Variants in BPIFB4 observed in about 807,000 individuals in gnomAD.
BPIFB4 encodes the protein BPI fold-containing family B member 4.
Under a neutral mutation model 69.2 loss-of-function variants are expected in BPIFB4, and 62 were observed. The ratio of observed to expected loss-of-function variants is 0.90; its 90% CI spans 0.73 to 1.11. The LOEUF is 1.11. Among genes scored for constraint, BPIFB4 ranks in the 50% least tolerant of loss-of-function variants. The pLI, the probability that BPIFB4 is intolerant of heterozygous loss-of-function variation, is 0.00. For synonymous variants in BPIFB4, 330 were observed against 332.7 expected, an observed-to-expected ratio of 0.99 and a Z score of 0.09; for missense variants, 789 against 792.0, an observed-to-expected ratio of 1.00 and a Z score of 0.04.
At chr20:33,087,604 CT>C (rs1449041606) in intron 7 of BPIFB4, among the ~76,000 whole-genome samples, 2 of 152,030 alleles carry the variant, frequency 1.3e-5, no homozygotes, top group Non-Finnish European at 2.9e-5. Context: ...AATGAATAAC[CT>C]TTTACATATG....
At chr20:33,085,924 G>A in intron 6 of BPIFB4, 97 bp from the exon 7 acceptor site, 1 of 1,425,848 alleles carries the variant, frequency 7.0e-7, no homozygotes, top group Non-Finnish European at 9.8e-7. Context: ...AAGGAGCGTA[G>A]CAGATGGCAG....
In BPIFB4 at chr20:33,083,547, A is replaced by G; in HGVS notation, c.350A>G (p.Asp117Gly). The change falls in exon 5 of 18, where the codon GAC becomes GGC. Residue 117 changes from aspartate to glycine, a missense_variant. By Grantham distance (94) the Asp-to-Gly change is moderately conservative. Coordinates refer to ENST00000375483, the MANE Select transcript of BPIFB4 (RefSeq NM_182519.3). ...CTTGAGTCCGAGGGAAGCATCAGGG[A>G]CCTCCGAAACAGTGGCTATCGCAGT... ...EILESEGSIR[D>G]LRNSGYRSAE... 3.1e-6 allele frequency: 5 copies of G among 1,613,808 alleles called. No homozygotes were observed. Among genetic ancestry groups the G allele is most frequent in the East Asian group, 2.2e-5 (1 of 44,858 alleles).
At chr20:33,094,967 T>G in intron 11 of BPIFB4, 133 bp from the exon 12 acceptor site, 5 of 836,610 alleles carry the variant, frequency 6.0e-6, no homozygotes, top group Admixed American at 1.9e-5. Flanking sequence ...TCCCCAGGGG[T>G]CTTTCAGGGA....
chr20:33,104,732 C>T, intron 15 of BPIFB4, 78 bp from the exon 16 acceptor site: 1 of 1,396,264 alleles, frequency 7.2e-7, no homozygotes, highest in African/African-American at 1.4e-5. Flanking sequence ...CACCTTGAGC[C>T]AGGGGAGCAG....
In BPIFB4 at chr20:33,092,623, C is replaced by T. The variant is rs770283793; in HGVS notation, c.1309C>T (p.Gln437Ter). The change falls in exon 11 of 18, where the codon CAG (glutamine) becomes TAG (stop). Residue 437 changes from glutamine (Q) to a stop codon, truncating the protein, a stop_gained. Coordinates refer to ENST00000375483, the MANE Select transcript of BPIFB4 (RefSeq NM_182519.3). LOFTEE classifies it high-confidence loss of function. ...CTCAGTGCTGACTCTACTGCAGAAG[C>T]AGCATGCTCTAGACCTGGATATCAC... ...LGSVLTLLQK[Q>*]HALDLDITNG... 5 of 1,612,912 alleles carry T rather than the reference C, an allele frequency of 3.1e-6. No individual in the cohort carries two copies. The Admixed American group carries it at 6.7e-5, about 21-fold the overall frequency.
At chr20:33,104,947 C>T in intron 16 of BPIFB4, 74 bp downstream of exon 16, 1 of 1,444,528 alleles carries the variant, frequency 6.9e-7, no homozygotes, top group Non-Finnish European at 9.7e-7. Flanking sequence ...GTTGGGCATG[C>T]TGGATGTGCA....
In BPIFB4 at chr20:33,096,139, G is replaced by A. The variant is rs944174069; in HGVS notation, c.1398+986G>A. On this transcript the variant is annotated intron_variant, in intron 12 of 17. Coordinates refer to ENST00000375483, the MANE Select transcript of BPIFB4 (RefSeq NM_182519.3). ...TGTGGCTGCAAATTGAACATCGGAA[G>A]GATCATTCTCTAGGGTGGTAACAGT... Among the ~76,000 whole-genome samples the A allele has an allele frequency of 2.6e-5, 4 of 152,188 alleles. 1 individual carries two copies. The highest frequency in any genetic ancestry group is 4.4e-5 in the Non-Finnish European group (3 of 68,030).
intron 14 of BPIFB4, among the ~76,000 whole-genome samples, chr20:33,100,738 G>A (rs944371070): frequency 2.6e-5 from 4 of 152,234 alleles, no homozygotes; most frequent in Non-Finnish European, 5.9e-5. Flanking sequence ...GCTGGGGTGT[G>A]GGCACAGTAG....
Position 33,110,570 on chromosome 20 carries a change from C to G in BPIFB4, c.1822-844C>G, listed in dbSNP as rs563394172. Among the ~76,000 whole-genome samples the G allele has an allele frequency of 4.3e-4, 66 of 152,286 alleles. No individual in the cohort carries two copies. The South Asian group carries it at 0.011, about 26-fold the overall frequency. On this transcript the variant is annotated intron_variant, in intron 17 of 17. Transcript: ENST00000375483. ...CTTTCTCCCACTAATTTTTGCCATT[C>G]AGTGTTCACGGTTTTGTCTGCAACT... is the stretch of plus-strand genomic sequence containing the variant.
intron 17 of BPIFB4, among the ~76,000 whole-genome samples, chr20:33,110,184 T>C (rs763506568): frequency 2.6e-5 from 4 of 152,262 alleles, no homozygotes; most frequent in Admixed American, 1.3e-4. Flanking sequence ...TCAGTTGTCA[T>C]GTCTCTTTAG....
chr20:33,111,526 T>C lies in BPIFB4; in HGVS notation c.*89T>C. 3.3e-6 allele frequency: 5 copies of C among 1,529,756 alleles called. No individual in the cohort carries two copies. Among genetic ancestry groups the C allele is most frequent in the Non-Finnish European group, 3.6e-6 (4 of 1,112,542 alleles). The allele number at this position is 1,529,756 out of a possible 1,614,324, so 94.8% of individuals were successfully genotyped here. A position where few individuals can be genotyped will look rare whatever the true frequency, so the allele number is the denominator to read the frequency against. The stretch of plus-strand genomic sequence containing the variant: ...CCTGGAAACAGTCCCCTGCCCAGAG[T>C]CCCCTCAGCCTCCATGACAGGTCCC... On this transcript the variant is annotated 3_prime_UTR_variant, in exon 18 of 18. Coordinates refer to ENST00000375483, the MANE Select transcript of BPIFB4 (RefSeq NM_182519.3).
chr20:33,090,883 C>A, intron 10 of BPIFB4, 84 bp downstream of exon 10: 1 of 1,522,176 alleles, frequency 6.6e-7, no homozygotes, highest in South Asian at 1.2e-5. Flanking sequence ...AGGGCTTCTG[C>A]TGAATGCCTG....
At chr20:33,082,522 C>T (rs1210004169) in intron 3 of BPIFB4, among the ~76,000 whole-genome samples, 4 of 151,960 alleles carry the variant, frequency 2.6e-5, no homozygotes, top group African/African-American at 7.3e-5. Flanking sequence ...TTAGTAGAGA[C>T]GGGGTTTCAC....
intron 16 of BPIFB4, among the ~76,000 whole-genome samples, chr20:33,105,758 C>T (rs1982030998): frequency 1.3e-5 from 2 of 152,074 alleles, no homozygotes; most frequent in Non-Finnish European, 2.9e-5. Flanking sequence ...CAGAGGAAGC[C>T]GAGTCTCACT....
chr20:33,094,522 T>TG (rs1382416926), intron 11 of BPIFB4, among the ~76,000 whole-genome samples: 1 of 151,830 alleles, frequency 6.6e-6, no homozygotes, highest in Non-Finnish European at 1.5e-5. Context: ...TTTTTTTTTT[T>TG]TTGAGACAGA....
chr20:33,082,212 A>G (rs907127408), intron 3 of BPIFB4, among the ~76,000 whole-genome samples: 2 of 152,196 alleles, frequency 1.3e-5, no homozygotes, highest in Non-Finnish European at 2.9e-5. Context: ...ATTATTTCCT[A>G]TTTAAGTGAT....
intron 14 of BPIFB4, 87 bp downstream of exon 14, chr20:33,100,580 T>C (rs1981882448): frequency 7.7e-7 from 1 of 1,295,700 alleles, no homozygotes; most frequent in Admixed American, 1.8e-5. Flanking sequence ...GTCTCCTGTG[T>C]GGCCATCAGG....
intron 15 of BPIFB4, 102 bp downstream of exon 15, chr20:33,103,116 G>C: frequency 2.2e-6 from 3 of 1,349,400 alleles, no homozygotes; most frequent in Non-Finnish European, 3.2e-6. Flanking sequence ...GGCATGGGGA[G>C]TTTGTGAATT....
intron 2 of BPIFB4, among the ~76,000 whole-genome samples, chr20:33,080,806 G>A (rs28580064): frequency 3.9e-5 from 6 of 152,314 alleles, no homozygotes; most frequent in Non-Finnish European, 8.8e-5. Flanking sequence ...TGGTTGGATA[G>A]ATGGATGGGC....
Sources: gnomAD v4.1 joint callset for allele counts (sites outside exome capture counted in the v4.1 genomes callset) on GRCh38, gnomAD v4.1.1 for gene constraint, MANE v1.5 for transcripts, NCBI Gene and HGNC (gene_info 2026-07-23, HGNC 2026-07-21) for gene names.